SLC44A4: variants seen among roughly 807,000 people sequenced by gnomAD.
SLC44A4 encodes solute carrier family 44 member 4, also known as choline transporter-like protein 4.
Under a neutral mutation model 97.0 loss-of-function variants are expected in SLC44A4, and 74 were observed. The observed-to-expected ratio is 0.76, with a 90% CI of 0.63 to 0.93. The LOEUF is 0.93. Ranked by LOEUF, SLC44A4 falls within the 40% of genes least tolerant of loss-of-function variation. The probability of loss-of-function intolerance (pLI) is 0.00; values close to 1 mark genes in which losing one functional copy is unlikely to be tolerated. For missense variants in SLC44A4, 799 were observed against 902.9 expected (o/e 0.88, Z 1.48); for synonymous variants, 325 against 363.8 (o/e 0.89, Z 1.21).
intron 13 of SLC44A4, among the ~76,000 whole-genome samples, chr6:31,867,734 A>T (rs117478982): frequency 6.6e-6 from 1 of 151,986 alleles, no homozygotes; most frequent in Admixed American, 6.6e-5. Flanking sequence ...AAAAAGAAAA[A>T]AAAAAGAAAA....
In SLC44A4 at chr6:31,871,349, A is replaced by G; in HGVS notation, c.666T>C (p.Phe222=). ...LNARDISVKI[F]EDFAQSWYWI... Reference sequence around the variant, plus strand: ...AATACCAGGACTGGGCAAAATCTTCAAAGATCTTAACACTGATGTCTCGGG... The same window carrying G: ...AATACCAGGACTGGGCAAAATCTTCGAAGATCTTAACACTGATGTCTCGGG... The change falls in exon 9 of 21, where the codon TTT becomes TTC. Residue 222 remains phenylalanine (F), a synonymous_variant. Transcript: ENST00000229729. The G allele has an allele frequency of 6.2e-7, 1 of 1,614,140 alleles. No individual in the cohort carries two copies. The highest frequency in any genetic ancestry group is 8.5e-7 in the Non-Finnish European group (1 of 1,180,020).
chr6:31,867,880 C>T (rs1456255113), intron 13 of SLC44A4, among the ~76,000 whole-genome samples: 6 of 148,786 alleles, frequency 4.0e-5, no homozygotes, highest in African/African-American at 1.3e-4. Context: ...TGCAATGGCG[C>T]GATCTCAGCT....
chr6:31,865,170 A>T lies in SLC44A4; in HGVS notation c.1761-90T>A. The T allele has an allele frequency of 6.4e-7, 1 of 1,554,522 alleles. No homozygotes were observed. The highest frequency in any genetic ancestry group is 8.9e-7 in the Non-Finnish European group (1 of 1,126,396). On this transcript the variant is annotated intron_variant, in intron 17 of 20. Coordinates refer to ENST00000229729, the MANE Select transcript of SLC44A4 (RefSeq NM_025257.3). This position sits in a 1 kb window ranked among gnomAD's most constrained non-coding sequence, Gnocchi z 5.2. ...TCGTAATTTGTGGGGACTGGTGCAA[A>T]ATGAAAATTGTTCACGTTTCAAGAT... is the stretch of plus-strand genomic sequence containing the variant.
rs1378295480 is a variant in SLC44A4, at chr6:31,875,851, C to T, written c.242+1G>A. On this transcript the variant is annotated splice_donor_variant, in intron 4 of 20. Transcript: ENST00000229729. LOFTEE classifies it high-confidence loss of function. ...ACTCCTCTTCTCGCCTTTGTACTCA[C>T]TTGTTCTCCCCCATGCCACAGTAGG... is the stretch of plus-strand genomic sequence containing the variant. 6.2e-7 allele frequency: 1 copy of T among 1,608,444 alleles called. No homozygotes were observed. The highest frequency in any genetic ancestry group is 1.1e-5 in the South Asian group (1 of 90,474).
chr6:31,866,210 T>C (rs1762865292), intron 13 of SLC44A4, 84 bp from the exon 14 acceptor site: 1 of 1,519,750 alleles, frequency 6.6e-7, no homozygotes, highest in Non-Finnish European at 8.9e-7. Flanking sequence ...CAGTAGCTCC[T>C]GCCCCTCCCA....
chr6:31,878,825 C>T lies in SLC44A4; in HGVS notation c.40+116G>A. 7.7e-7 allele frequency: 1 copy of T among 1,292,732 alleles called. No individual in the cohort carries two copies. Among genetic ancestry groups the T allele is most frequent in the South Asian group, 1.2e-5 (1 of 83,630 alleles). 80.1% of individuals were successfully genotyped at this position (1,292,732 alleles called of 1,614,324 possible). A position where few individuals can be genotyped will look rare whatever the true frequency, so the allele number is the denominator to read the frequency against. ...TGGCTCCCGGTTCCCGGGCCCTCCC[C>T]TCAGGGACACAGTACTCTCCTTAGT... On this transcript the variant is annotated intron_variant, in intron 1 of 20. Transcript: ENST00000229729. The surrounding 1 kb of genome is among the most constrained non-coding windows in gnomAD (Gnocchi z 4.0).
rs764533964 is a variant in SLC44A4, at chr6:31,878,960, G to A, written c.21C>T (p.Asp7=). The A allele has an allele frequency of 1.9e-6, 3 of 1,613,754 alleles. No individual in the cohort carries two copies. The highest frequency in any genetic ancestry group is 1.1e-5 in the South Asian group (1 of 91,078). Residue 7 remains aspartate, a synonymous_variant, in exon 1 of 21, where the codon GAC becomes GAT. Transcript: ENST00000229729. The surrounding 1 kb of genome is among the most constrained non-coding windows in gnomAD (Gnocchi z 4.0). The stretch of plus-strand genomic sequence containing the variant: ...TCTCACCGTAGGCCTCGTCATCCTC[G>A]TCCCGCTGCTTTCCCCCCATGGCTC... MGGKQR[D]EDDEAYGKPV...
At position 31,864,855 on chromosome 6, in the gene SLC44A4, A is replaced by C; in HGVS notation, c.1887T>G (p.Phe629Leu). 1 of 1,614,040 alleles carries C rather than the reference A, an allele frequency of 6.2e-7. No individual in the cohort carries two copies. ...SGRIPGLGKD[F>L]KSPHLNYYWL... ...AGTAATAGTTGAGGTGGGGGCTCTT[A>C]AAGTCTTTACCCAGCCCCGGGATGC... is the stretch of plus-strand genomic sequence containing the variant. Residue 629 changes from phenylalanine to leucine, a missense_variant, in exon 19 of 21, where the codon TTT (phenylalanine) becomes TTG (leucine). Coordinates refer to ENST00000229729, the MANE Select transcript of SLC44A4 (RefSeq NM_025257.3).
rs1299565175 is a variant in SLC44A4, at chr6:31,871,031, G to A, written c.718C>T (p.Leu240=). 1 of 1,609,132 alleles carries A rather than the reference G, an allele frequency of 6.2e-7. No homozygotes were observed. Among genetic ancestry groups the A allele is most frequent in the South Asian group, 1.1e-5 (1 of 90,618 alleles). The part of the protein sequence containing the change: ...YWILVALGVA[L]VLSLLFILLL... ...AAGATAAACAGTAGGCTCAAGACCA[G>A]AGCCACCCCCAGGGCACTGTAGGCA... is the stretch of plus-strand genomic sequence containing the variant. The change falls in exon 10 of 21, where the codon CTG becomes TTG. Residue 240 remains leucine (L), a synonymous_variant. Coordinates refer to ENST00000229729, the MANE Select transcript of SLC44A4 (RefSeq NM_025257.3).
rs1763554931 is a variant in SLC44A4, at chr6:31,878,173, T to C, written c.40+768A>G. On this transcript the variant is annotated intron_variant, in intron 1 of 20. Coordinates refer to ENST00000229729, the MANE Select transcript of SLC44A4 (RefSeq NM_025257.3). This position sits in a 1 kb window ranked among gnomAD's most constrained non-coding sequence, Gnocchi z 4.0. ...CCCAGCCCCTTTTCCTTGCAGATTC[T>C]GGAAACAGGCTCCCTGCTGTTTCTC... 6.6e-6 allele frequency: 1 copy of C among 152,320 alleles called. No individual in the cohort carries two copies. The highest frequency in any genetic ancestry group is 1.5e-5 in the Non-Finnish European group (1 of 68,282). 9.4% of individuals were successfully genotyped at this position (152,320 alleles called of 1,614,324 possible).
intron 20 of SLC44A4, 123 bp downstream of exon 20, chr6:31,864,529 T>G (rs1400274073): frequency 5.5e-6 from 5 of 902,810 alleles, no homozygotes; most frequent in Non-Finnish European, 8.8e-6. Flanking sequence ...AGAAGCTCCC[T>G]CTGGTTCGTT....
chr6:31,869,097 G>C (rs2151559603), intron 13 of SLC44A4, 58 bp downstream of exon 13: 1 of 1,375,098 alleles, frequency 7.3e-7, no homozygotes, highest in Non-Finnish European at 1.0e-6. Context: ...GAGGAATGTG[G>C]CCCCTACAGC....
intron 13 of SLC44A4, among the ~76,000 whole-genome samples, chr6:31,867,642 C>G (rs1762933367): frequency 6.6e-6 from 1 of 151,664 alleles, no homozygotes; most frequent in Non-Finnish European, 1.5e-5. Flanking sequence ...GAGAAGATCA[C>G]TTGAGCCTGG....
At position 31,863,728 on chromosome 6, in the gene SLC44A4, T is replaced by G. The variant is rs539276753; in HGVS notation, c.2032A>C (p.Asn678His). 2.5e-6 allele frequency: 4 copies of G among 1,612,682 alleles called. No individual in the cohort carries two copies. In the African/African-American group the frequency reaches 4.0e-5, roughly 16 times the overall value. ...TAGTAGGGCCGGTCCAGGGAGCCGT[T>G]GTTCCGCTCCAGGTCTTCCACTGAG... ...LCFLEDLERNNGSLDRPYYMS... is the reference protein window; with the variant it reads ...LCFLEDLERNHGSLDRPYYMS... Residue 678 changes from asparagine to histidine, a missense_variant, in exon 21 of 21, where the codon AAC (asparagine) becomes CAC (histidine). Physicochemically the swap from Asn to His is moderately conservative, Grantham distance 68 (BLOSUM62 1). Coordinates refer to ENST00000229729, the MANE Select transcript of SLC44A4 (RefSeq NM_025257.3).
In SLC44A4 at chr6:31,877,171, G is replaced by A; in HGVS notation, c.41-89C>T. The A allele has an allele frequency of 7.3e-7, 1 of 1,370,386 alleles. No homozygotes were observed. The highest frequency in any genetic ancestry group is 2.1e-5 in the Admixed American group (1 of 48,536). 84.9% of individuals were successfully genotyped at this position (1,370,386 alleles called of 1,614,324 possible). The stretch of plus-strand genomic sequence containing the variant: ...CCTCCTAGCCCCAGGATCCTACCCA[G>A]GCCTCAGGTGTTTGGAGGGAGATGG... On this transcript the variant is annotated intron_variant, in intron 1 of 20. Transcript: ENST00000229729. This position sits in a 1 kb window ranked among gnomAD's most constrained non-coding sequence, Gnocchi z 6.5.
rs1222974562 is a variant in SLC44A4 at position 31,866,021 on chromosome 6, C to T, written c.1339G>A (p.Val447Ile). The T allele has an allele frequency of 2.5e-6, 4 of 1,614,068 alleles. No homozygotes were observed. The highest frequency in any genetic ancestry group is 3.3e-5 in the Admixed American group (2 of 59,998). Reference sequence around the variant, plus strand: ...TTAAGGGTCCAGAAGAGCCCCAGGACCCCATAGATTTGCAGATTGAAGACA... The same window carrying T: ...TTAAGGGTCCAGAAGAGCCCCAGGATCCCATAGATTTGCAGATTGAAGACA... ...RSVFNLQIYG[V>I]LGLFWTLNWV... Residue 447 changes from valine (V) to isoleucine (I), a missense_variant, in exon 14 of 21, where the codon GTC (valine) becomes ATC (isoleucine). Physicochemically the swap from Val to Ile is conservative, Grantham distance 29. This residue lies in a region of SLC44A4 where 379 missense variants were observed against 438.3 expected (regional missense o/e 0.86). Transcript: ENST00000229729.
rs1195919041 is a variant in SLC44A4 at position 31,863,598 on chromosome 6, G to A, written c.*29C>T. On this transcript the variant is annotated 3_prime_UTR_variant, in exon 21 of 21. Transcript: ENST00000229729. Reference sequence around the variant, plus strand: ...TTGGATGGCTGGACGGTGGGGGTGGGGTGCAGTCCTGGATCAGGGCCGGAG... The same window carrying A: ...TTGGATGGCTGGACGGTGGGGGTGGAGTGCAGTCCTGGATCAGGGCCGGAG... 3 of 1,583,038 alleles carry A rather than the reference G, an allele frequency of 1.9e-6. No homozygotes were observed. The highest frequency in any genetic ancestry group is 2.3e-5 in the South Asian group (2 of 88,034).
intron 7 of SLC44A4, among the ~76,000 whole-genome samples, chr6:31,872,385 A>G (rs991208006): frequency 6.6e-6 from 1 of 151,962 alleles, no homozygotes. Context: ...ATAGATGTGC[A>G]CCACCACACT....
Position 31,871,289 on chromosome 6 carries a change from AGAG to A in SLC44A4, c.701+22_701+24del, listed in dbSNP as rs776774849. ...CAGGGAGGAAGAAGGCAAGGACACA[AGAG>A]GAGGGGAATCTGGTGACTCACACAA... On this transcript the variant is annotated intron_variant, in intron 9 of 20. Transcript: ENST00000229729. 90 of 1,602,806 alleles carry A rather than the reference AGAG, an allele frequency of 5.6e-5. No homozygotes were observed. The African/African-American group carries it at 1.1e-3, about 19-fold the overall frequency.
Sources: allele counts gnomAD v4.1 joint callset (sites outside exome capture counted in the v4.1 genomes callset), GRCh38; gene constraint gnomAD v4.1.1; regional missense constraint gnomAD v4.1.1; non-coding constraint Gnocchi (gnomAD v3.1); transcripts MANE v1.5; gene names NCBI Gene and HGNC (gene_info 2026-07-23, HGNC 2026-07-21).